Variants in SNX29 observed in about 807,000 individuals in gnomAD.
SNX29 encodes the protein sorting nexin-29.
In SNX29, 78 loss-of-function variants were observed where a neutral mutation model predicts 102.1. The ratio of observed to expected loss-of-function variants is 0.76; its 90% CI spans 0.64 to 0.92. SNX29 has a LOEUF of 0.92. SNX29 is among the 40% of genes least tolerant of loss of function. SNX29 has a pLI of 0.00. For missense variants in SNX29, 1,280 were observed against 1,061.7 expected (o/e 1.21, Z -2.86); for synonymous variants, 580 against 414.5 (o/e 1.40, Z -4.85).
intron 20 of SNX29, among the ~76,000 whole-genome samples, chr16:12,535,282 G>A (rs1476977300): frequency 6.6e-6 from 1 of 152,292 alleles, no homozygotes; most frequent in Non-Finnish European, 1.5e-5. Flanking sequence ...GGGATTACAG[G>A]CATGTGCCAC....
At position 12,573,732 on chromosome 16, in the gene SNX29, G is replaced by A. The variant is rs10500383; in HGVS notation, c.*5103G>A. On this transcript the variant is annotated 3_prime_UTR_variant, in exon 21 of 21. Coordinates refer to ENST00000566228, the MANE Select transcript of SNX29 (RefSeq NM_032167.5). ...ACAGTAGCACACGGAATGGTGGATCGTACATTTGCACCCAGAGCTACTAAA... is the reference window on the plus strand; with the variant it reads ...ACAGTAGCACACGGAATGGTGGATCATACATTTGCACCCAGAGCTACTAAA... 0.21 allele frequency: 46,098 copies of A among 222,616 alleles called. 5,939 individuals are homozygous for A. The highest frequency in any genetic ancestry group is 0.28 in the Non-Finnish European group (31,569 of 111,282). 13.8% of individuals were successfully genotyped at this position (222,616 alleles called of 1,614,324 possible). A position where few individuals can be genotyped will look rare whatever the true frequency, so the allele number is the denominator to read the frequency against.
chr16:12,293,461 G>A (rs546884223), intron 15 of SNX29, among the ~76,000 whole-genome samples: 5 of 152,276 alleles, frequency 3.3e-5, no homozygotes, highest in South Asian at 4.1e-4. Flanking sequence ...GCCAGCCTGC[G>A]GTAGAGGTTA....
intron 19 of SNX29, among the ~76,000 whole-genome samples, chr16:12,485,574 G>A (rs1327493594): frequency 1.3e-5 from 2 of 152,200 alleles, no homozygotes; most frequent in African/African-American, 2.4e-5. Context: ...TTCTTGGGAG[G>A]TGCCATTGGA....
intron 15 of SNX29, among the ~76,000 whole-genome samples, chr16:12,303,630 G>A (rs770547321): frequency 6.6e-6 from 1 of 152,238 alleles, no homozygotes; most frequent in Non-Finnish European, 1.5e-5. Context: ...GAGAGGGCCA[G>A]CATTGGAGAG....
At chr16:11,993,895 C>T (rs927541406) in intron 1 of SNX29, among the ~76,000 whole-genome samples, 22 of 152,140 alleles carry the variant, frequency 1.4e-4, no homozygotes, top group African/African-American at 5.3e-4. Context: ...CCAAGGCAGG[C>T]AGATCACCTG....
intron 15 of SNX29, among the ~76,000 whole-genome samples, chr16:12,327,483 A>G (rs209838): frequency 3.3e-5 from 5 of 152,028 alleles, no homozygotes; most frequent in African/African-American, 7.3e-5. Flanking sequence ...CCGTCTTCCC[A>G]CTGTGGTCTT....
At chr16:12,388,317 C>T (rs1327839373) in intron 16 of SNX29, among the ~76,000 whole-genome samples, 2 of 152,184 alleles carry the variant, frequency 1.3e-5, no homozygotes, top group African/African-American at 2.4e-5. Context: ...AAACAGGTTA[C>T]TCAAAGAATT....
At chr16:12,423,883 G>GT (rs1567548541) in intron 18 of SNX29, among the ~76,000 whole-genome samples, 4 of 152,174 alleles carry the variant, frequency 2.6e-5, no homozygotes, top group African/African-American at 7.2e-5. Context: ...ACAAGTTTTT[G>GT]TAAGAAGAGT....
chr16:12,105,768 C>G (rs961801960), intron 11 of SNX29, among the ~76,000 whole-genome samples: 12 of 152,160 alleles, frequency 7.9e-5, no homozygotes, highest in African/African-American at 2.9e-4. Flanking sequence ...GTGTGTGGTC[C>G]TGCTGCACAG....
intron 20 of SNX29, among the ~76,000 whole-genome samples, chr16:12,563,328 G>C (rs77272284): frequency 3.3e-5 from 5 of 152,184 alleles, no homozygotes; most frequent in African/African-American, 1.2e-4. Context: ...GAGAGTCACC[G>C]TCGAGGAGTG....
rs75222237 is a variant in SNX29 at position 12,504,447 on chromosome 16, C to T, written c.2179-20255C>T. ...CCTAGGCAACCACTCATCTGCTTTC[C>T]GTGTCTGTAGGATTGCTTGTTCTGG... On this transcript the variant is annotated intron_variant, in intron 19 of 20. Coordinates refer to ENST00000566228, the MANE Select transcript of SNX29 (RefSeq NM_032167.5). 2.1e-4 allele frequency among the ~76,000 whole-genome samples: 32 copies of T among 152,270 alleles called. 1 individual carries two copies. In the East Asian group the frequency reaches 6.2e-3, roughly 29 times the overall value.
chr16:12,073,803 A>G (rs1214183553), intron 10 of SNX29, among the ~76,000 whole-genome samples: 2 of 152,118 alleles, frequency 1.3e-5, no homozygotes, highest in East Asian at 1.9e-4. Context: ...GTGGGAGTCT[A>G]AGTCTCTTTG....
rs376474239 is a variant in SNX29, at chr16:12,446,468, A to T, written c.2038-31251A>T. On this transcript the variant is annotated intron_variant, in intron 18 of 20. Coordinates refer to ENST00000566228, the MANE Select transcript of SNX29 (RefSeq NM_032167.5). ...ATCTGGTGGGATATTTAATGTAGTAACTGCCTCTAATTGAGTGGGTAATTC... is the reference window on the plus strand; with the variant it reads ...ATCTGGTGGGATATTTAATGTAGTATCTGCCTCTAATTGAGTGGGTAATTC... 1.2e-4 allele frequency among the ~76,000 whole-genome samples: 18 copies of T among 152,304 alleles called. No individual in the cohort carries two copies. The East Asian group carries it at 3.1e-3, about 26-fold the overall frequency.
chr16:12,346,205 GT>G (rs2081798448), intron 15 of SNX29, among the ~76,000 whole-genome samples: 1 of 152,142 alleles, frequency 6.6e-6, no homozygotes, highest in African/African-American at 2.4e-5. Context: ...CTGAACCTAG[GT>G]TTGGCCACAG....
At chr16:12,552,321 G>A (rs573864828) in intron 20 of SNX29, among the ~76,000 whole-genome samples, 1 of 152,140 alleles carries the variant, frequency 6.6e-6, no homozygotes, top group Non-Finnish European at 1.5e-5. Context: ...GGTGATAATG[G>A]AACTCCTCTC....
At chr16:12,471,216 C>T (rs533355887) in intron 18 of SNX29, among the ~76,000 whole-genome samples, 1 of 152,162 alleles carries the variant, frequency 6.6e-6, no homozygotes, top group Non-Finnish European at 1.5e-5. Flanking sequence ...CTGCCTGACT[C>T]CCTCCCCACA....
At chr16:12,293,761 A>G (rs1222440647) in intron 15 of SNX29, among the ~76,000 whole-genome samples, 1 of 152,190 alleles carries the variant, frequency 6.6e-6, no homozygotes, top group Non-Finnish European at 1.5e-5. Context: ...TTTTTTATCA[A>G]TTAATTTTGA....
chr16:12,511,421 G>A (rs1013246060), intron 19 of SNX29, among the ~76,000 whole-genome samples: 4 of 152,168 alleles, frequency 2.6e-5, no homozygotes, highest in African/African-American at 9.7e-5. Flanking sequence ...GGGGTATGCT[G>A]AGATAATGGA....
Position 12,572,811 on chromosome 16 carries a change from T to A in SNX29, c.*4182T>A, listed in dbSNP as rs1488201548. ...CTCCTTCCCCAGTACATCAGACTGG[T>A]TAGGAGGCATCCCAGAAGGGGCAGC... On this transcript the variant is annotated 3_prime_UTR_variant, in exon 21 of 21. Transcript: ENST00000566228. 9.4e-7 allele frequency: 1 copy of A among 1,063,642 alleles called. No homozygotes were observed. The highest frequency in any genetic ancestry group is 5.4e-5 in the Admixed American group (1 of 18,678). The allele number at this position is 1,063,642 out of a possible 1,614,324, so 65.9% of individuals were successfully genotyped here. A position where few individuals can be genotyped will look rare whatever the true frequency, so the allele number is the denominator to read the frequency against.
Sources: allele counts gnomAD v4.1 joint callset (sites outside exome capture counted in the v4.1 genomes callset), GRCh38; gene constraint gnomAD v4.1.1; transcripts MANE v1.5; gene names NCBI Gene and HGNC (gene_info 2026-07-23, HGNC 2026-07-21).